MTHFSD: variants seen among roughly 807,000 people sequenced by gnomAD.
MTHFSD encodes methenyltetrahydrofolate synthase domain-containing protein.
A neutral mutation model predicts 31.1 loss-of-function variants in MTHFSD; 37 were observed. The observed-to-expected ratio is 1.19, with a 90% CI of 0.91 to 1.56. The LOEUF is 1.56. Ranked by LOEUF, MTHFSD falls within the 40% of genes most tolerant of loss-of-function variation. MTHFSD has a pLI of 0.00. For missense variants in MTHFSD, 664 were observed against 510.1 expected, an observed-to-expected ratio of 1.30 and a Z score of -2.91; for synonymous variants, 221 against 206.9, an observed-to-expected ratio of 1.07 and a Z score of -0.59.
chr16:86,532,190 C>G lies in MTHFSD; in HGVS notation c.973G>C (p.Ala325Pro). The G allele has an allele frequency of 6.3e-7, 1 of 1,584,332 alleles. No individual in the cohort carries two copies. The change falls in exon 8 of 8, where the codon GCC (alanine) becomes CCC (proline). Residue 325 changes from alanine to proline, a missense_variant. Coordinates refer to ENST00000360900, the MANE Select transcript of MTHFSD (RefSeq NM_001159377.2). ...GGCACGGAGCCGAGTTCCCGCAGGGCTCTCTTCAGGTCACTCACACGGGCG... is the reference window on the plus strand; with the variant it reads ...GGCACGGAGCCGAGTTCCCGCAGGGGTCTCTTCAGGTCACTCACACGGGCG... ...GDARVSDLKRALRELGSVPLR... is the reference protein window; with the variant it reads ...GDARVSDLKRPLRELGSVPLR...
intron 7 of MTHFSD, 104 bp from the exon 8 acceptor site, chr16:86,532,585 C>G (rs1167593351): frequency 1.1e-6 from 1 of 938,484 alleles, no homozygotes; most frequent in African/African-American, 1.7e-5. Context: ...CACACGTGGA[C>G]TGGATGCCAA....
At chr16:86,554,228 G>A (rs565426192) in intron 2 of MTHFSD, among the ~76,000 whole-genome samples, 1 of 152,154 alleles carries the variant, frequency 6.6e-6, no homozygotes, top group Non-Finnish European at 1.5e-5. Context: ...GCTAAGGTCT[G>A]CAGCTTCACT....
rs1196891746 is a variant in MTHFSD at position 86,530,625 on chromosome 16, A to G, written c.*1386T>C. 6.6e-6 allele frequency: 1 copy of G among 152,208 alleles called. No individual in the cohort carries two copies. The highest frequency in any genetic ancestry group is 1.5e-5 in the Non-Finnish European group (1 of 68,044). 9.4% of individuals were successfully genotyped at this position (152,208 alleles called of 1,614,324 possible). A position where few individuals can be genotyped will look rare whatever the true frequency, so the allele number is the denominator to read the frequency against. ...ACAGGAAAAAGGTAAACAAAAAAAA[A>G]AAAATAAGAATCTTTCAGAAAAAGA... On this transcript the variant is annotated 3_prime_UTR_variant, in exon 8 of 8. Transcript: ENST00000360900.
At chr16:86,533,154 A>C (rs571220615) in intron 7 of MTHFSD, 6 of 152,392 alleles carry the variant, frequency 3.9e-5, no homozygotes, top group Non-Finnish European at 8.8e-5. Flanking sequence ...ATTGTATGCG[A>C]CTTGCAGACA....
chr16:86,550,712 T>C (rs1282605036), intron 3 of MTHFSD, among the ~76,000 whole-genome samples: 1 of 152,260 alleles, frequency 6.6e-6, no homozygotes, highest in South Asian at 2.1e-4. Flanking sequence ...TCCTTGCTAC[T>C]GCTGCTATTA....
Position 86,555,219 on chromosome 16 carries a change from A to T in MTHFSD, c.-35T>A. 1.3e-6 allele frequency: 2 copies of T among 1,535,922 alleles called. No individual in the cohort carries two copies. The highest frequency in any genetic ancestry group is 1.7e-6 in the Non-Finnish European group (2 of 1,146,232). On this transcript the variant is annotated 5_prime_UTR_variant, in exon 1 of 8. Coordinates refer to ENST00000360900, the MANE Select transcript of MTHFSD (RefSeq NM_001159377.2). ...GTCGCTGTGCGACGCTTCCCGGCGC[A>T]GGTTCTGGCGCGTAGTGACGTCACC...
At chr16:86,548,220 A>G in intron 4 of MTHFSD, 1 of 1,049,882 alleles carries the variant, frequency 9.5e-7, no homozygotes. Flanking sequence ...TTCTTACAAT[A>G]AGGAATTTAT....
At chr16:86,550,450 G>C (rs556583213) in intron 3 of MTHFSD, among the ~76,000 whole-genome samples, 1 of 152,310 alleles carries the variant, frequency 6.6e-6, no homozygotes, top group Admixed American at 6.5e-5. Flanking sequence ...GCTCTGAGGG[G>C]CTGACAGCTG....
In MTHFSD at chr16:86,552,026, G is replaced by A. The variant is rs1488023986; in HGVS notation, c.237+7C>T. ...GGTCTCGGCTCGGCTCAGGGAAGTG[G>A]AATTACCTGCAGCACCAGCAGCCGA... is the stretch of plus-strand genomic sequence containing the variant. On this transcript the variant is annotated splice_region_variant and intron_variant, in intron 3 of 7. Transcript: ENST00000360900. The A allele has an allele frequency of 6.2e-7, 1 of 1,614,148 alleles. No individual in the cohort carries two copies. Among genetic ancestry groups the A allele is most frequent in the East Asian group, 2.2e-5 (1 of 44,880 alleles).
At chr16:86,549,848 T>A (rs1258878886) in intron 3 of MTHFSD, among the ~76,000 whole-genome samples, 5 of 152,230 alleles carry the variant, frequency 3.3e-5, no homozygotes, top group African/African-American at 1.2e-4. Flanking sequence ...CAGAATCTGA[T>A]GCCACTTTAG....
Position 86,532,014 on chromosome 16 carries a change from C to A in MTHFSD, c.1149G>T (p.Lys383Asn), listed in dbSNP as rs761884473. ...AGCTCCGTGGCTGTCCACGAGGTCA[C>A]TTGTCCCTCTGCTGCCTGGCCAGCG... ...RVALARQQRD[K>N] The change falls in exon 8 of 8, where the codon AAG becomes AAT. Residue 383 changes from lysine to asparagine, a missense_variant. By Grantham distance (94) the Lys-to-Asn change is moderately conservative. Transcript: ENST00000360900. The A allele has an allele frequency of 4.8e-6, 7 of 1,472,130 alleles. No homozygotes were observed. The highest frequency in any genetic ancestry group is 2.5e-4 in the Middle Eastern group (1 of 4,032). The allele number at this position is 1,472,130 out of a possible 1,614,324, so 91.2% of individuals were successfully genotyped here.
rs775457954 is a variant in MTHFSD, at chr16:86,548,554, T to C, written c.261A>G (p.Pro87=). Residue 87 remains proline, a synonymous_variant, in exon 4 of 8, where the codon CCA becomes CCG. Transcript: ENST00000360900. ...VLQSKKTLLV[P]TPRLRTGLFN... ...ACAATCCCGTTCTCAGTCGTGGTGT[T>C]GGAACCAACAATGTTTTTTTGCTCT... The C allele has an allele frequency of 1.2e-6, 2 of 1,611,860 alleles. No homozygotes were observed. The highest frequency in any genetic ancestry group is 3.4e-5 in the Admixed American group (2 of 59,436).
At chr16:86,540,971 T>C (rs186683048) in intron 7 of MTHFSD, 8 of 1,170,148 alleles carry the variant, frequency 6.8e-6, no homozygotes, top group African/African-American at 6.4e-5. Flanking sequence ...ATGTTGTTAA[T>C]TTTCCATGCC....
rs1297155929 is a variant in MTHFSD at position 86,542,699 on chromosome 16, AC to A, written c.443-487del. Among the ~76,000 whole-genome samples the A allele has an allele frequency of 3.9e-5, 6 of 152,332 alleles. No homozygotes were observed. In the East Asian group the frequency reaches 1.2e-3, roughly 29 times the overall value. Reference sequence around the variant, plus strand: ...AAGCACTGAATACTCACCACTAGATACCAGGTCCTGAGGGACGGTTTAAGCA... The same window carrying A: ...AAGCACTGAATACTCACCACTAGATACAGGTCCTGAGGGACGGTTTAAGCA... On this transcript the variant is annotated intron_variant, in intron 5 of 7. Transcript: ENST00000360900. This position sits in a 1 kb window ranked among gnomAD's most constrained non-coding sequence, Gnocchi z 4.6.
chr16:86,551,772 G>A (rs1335975940), intron 3 of MTHFSD, among the ~76,000 whole-genome samples: 4 of 152,196 alleles, frequency 2.6e-5, no homozygotes, highest in African/African-American at 9.7e-5. Flanking sequence ...TGCCAACTGG[G>A]CCTGGAAGCC....
intron 5 of MTHFSD, among the ~76,000 whole-genome samples, chr16:86,543,813 T>G (rs1414354583): frequency 6.6e-6 from 1 of 152,014 alleles, no homozygotes; most frequent in African/African-American, 2.4e-5. Context: ...AGTGAGAGAG[T>G]GAAGCTTCAT....
chr16:86,552,499 C>T (rs1973311174), intron 2 of MTHFSD, among the ~76,000 whole-genome samples: 1 of 152,108 alleles, frequency 6.6e-6, no homozygotes, highest in Non-Finnish European at 1.5e-5. Context: ...ACATGCATTC[C>T]AAAAAGAATA....
rs1426559699 is a variant in MTHFSD, at chr16:86,542,038, C to T, written c.555+63G>A. ...TTCAGAAGCAGATGAGTCTCCTTCC[C>T]CACCCCCTGCTCCCTCAGAAGAGAA... On this transcript the variant is annotated intron_variant, in intron 6 of 7. Transcript: ENST00000360900. The surrounding 1 kb of genome is among the most constrained non-coding windows in gnomAD (Gnocchi z 4.6). 3.3e-6 allele frequency: 5 copies of T among 1,499,148 alleles called. No homozygotes were observed. Among genetic ancestry groups the T allele is most frequent in the Non-Finnish European group, 4.6e-6 (5 of 1,085,372 alleles). 92.9% of individuals were successfully genotyped at this position (1,499,148 alleles called of 1,614,324 possible).
chr16:86,546,654 A>G lies in MTHFSD; in HGVS notation c.352-5T>C. ...GACACTGTAGTTCCTCACACCCTGCACACAGAGATACGGATTGGAAAACTT... is the reference window on the plus strand; with the variant it reads ...GACACTGTAGTTCCTCACACCCTGCGCACAGAGATACGGATTGGAAAACTT... On this transcript the variant is annotated splice_region_variant and splice_polypyrimidine_tract_variant and intron_variant, in intron 4 of 7. Transcript: ENST00000360900. The G allele has an allele frequency of 6.2e-7, 1 of 1,610,676 alleles. No individual in the cohort carries two copies. The highest frequency in any genetic ancestry group is 8.5e-7 in the Non-Finnish European group (1 of 1,177,150).
Sources: gnomAD v4.1 joint callset for allele counts (sites outside exome capture counted in the v4.1 genomes callset) on GRCh38, gnomAD v4.1.1 for gene constraint, Gnocchi (gnomAD v3.1) non-coding constraint, MANE v1.5 for transcripts, NCBI Gene and HGNC (gene_info 2026-07-23, HGNC 2026-07-21) for gene names.